Variants in PXDNL observed in about 807,000 individuals in gnomAD.
PXDNL encodes the protein peroxidasin like.
Under a neutral mutation model 150.8 loss-of-function variants are expected in PXDNL, and 145 were observed. The ratio of observed to expected loss-of-function variants is 0.96; its 90% CI spans 0.84 to 1.10. The LOEUF is 1.10. Ranked by LOEUF, PXDNL falls within the 50% of genes least tolerant of loss-of-function variation. The pLI is 0.00. For missense variants in PXDNL, 2,087 were observed against 1,873.9 expected, an observed-to-expected ratio of 1.11 and a Z score of -2.10; for synonymous variants, 757 against 725.7, an observed-to-expected ratio of 1.04 and a Z score of -0.69.
At position 51,453,740 on chromosome 8, in the gene PXDNL, A is replaced by C; in HGVS notation, c.1028T>G (p.Ile343Ser). The change falls in exon 10 of 23, where the codon ATT becomes AGT. Residue 343 changes from isoleucine (I) to serine (S), a missense_variant. Transcript: ENST00000356297. ...VIQPQDTEVL[I>S]GTSTTLECMA... is the part of the protein sequence containing the mutation. ...ACATTCCAAAGTTGTGCTGGTGCCA[A>C]TTAAAACCTCTGTGTCCTGAGGCTG... The C allele has an allele frequency of 6.2e-7, 1 of 1,613,834 alleles. No individual in the cohort carries two copies. The highest frequency in any genetic ancestry group is 8.5e-7 in the Non-Finnish European group (1 of 1,179,854).
chr8:51,524,557 A>G (rs993729430), intron 4 of PXDNL, among the ~76,000 whole-genome samples: 1 of 152,210 alleles, frequency 6.6e-6, no homozygotes, highest in Non-Finnish European at 1.5e-5. Flanking sequence ...ATATGGAGTG[A>G]AGCACAAAAC....
intron 12 of PXDNL, among the ~76,000 whole-genome samples, chr8:51,431,972 C>T (rs1809257645): frequency 6.6e-6 from 1 of 152,166 alleles, no homozygotes; most frequent in Admixed American, 6.5e-5. Context: ...CTATTTCTGA[C>T]TTGTGAATAG....
intron 1 of PXDNL, among the ~76,000 whole-genome samples, chr8:51,807,287 A>G (rs1387156090): frequency 6.6e-6 from 1 of 152,184 alleles, no homozygotes; most frequent in Non-Finnish European, 1.5e-5. Flanking sequence ...AGAACTTCAC[A>G]TGGCCAGAGC....
In PXDNL at chr8:51,416,966, CTT is replaced by C. The variant is rs112715557; in HGVS notation, c.1796-3710_1796-3709del. ...GTTTAAGAGTAAACTAAAACTAACT[CTT>C]TTATTATTCATTTGATTTCAGTGTT... On this transcript the variant is annotated intron_variant, in intron 14 of 22. Transcript: ENST00000356297. Among the ~76,000 whole-genome samples the C allele has an allele frequency of 3.3e-3, 498 of 152,214 alleles. 3 individuals carry two copies. Among genetic ancestry groups the C allele is most frequent in the African/African-American group, 0.012 (478 of 41,550 alleles).
chr8:51,608,509 A>G lies in PXDNL; in HGVS notation c.237-15811T>C, dbSNP rs562978517. ...GACTTCCAGGTTTCGTTTTTATTAC[A>G]AAGCCACAAAGCATTAATAGGACAA... On this transcript the variant is annotated intron_variant, in intron 2 of 22. Transcript: ENST00000356297. Among the ~76,000 whole-genome samples the G allele has an allele frequency of 5.4e-4, 81 of 149,036 alleles. 1 individual carries two copies. The highest frequency in any genetic ancestry group is 1.1e-3 in the Non-Finnish European group (76 of 67,790).
intron 1 of PXDNL, among the ~76,000 whole-genome samples, chr8:51,726,633 A>G (rs1204035680): frequency 6.6e-6 from 1 of 152,232 alleles, no homozygotes; most frequent in Non-Finnish European, 1.5e-5. Context: ...AAGATAGCAG[A>G]TTCCTAGAAT....
chr8:51,664,146 C>A (rs994667981), intron 1 of PXDNL, among the ~76,000 whole-genome samples: 1 of 151,756 alleles, frequency 6.6e-6, no homozygotes, highest in Non-Finnish European at 1.5e-5. Flanking sequence ...TACATCTGAA[C>A]AGCGTCATTG....
intron 4 of PXDNL, among the ~76,000 whole-genome samples, chr8:51,508,507 C>G (rs1345280778): frequency 6.6e-6 from 1 of 152,162 alleles, no homozygotes; most frequent in Non-Finnish European, 1.5e-5. Context: ...TCCAGGATGC[C>G]ATCCTCCCAG....
chr8:51,534,936 C>G (rs1242700128), intron 4 of PXDNL, among the ~76,000 whole-genome samples: 4 of 104,772 alleles, frequency 3.8e-5, no homozygotes, highest in Non-Finnish European at 7.1e-5. Context: ...GACCCCTCTG[C>G]CCGGCCAGCC....
rs2037070973 is a variant in PXDNL, at chr8:51,753,840, A to G, written c.164+55341T>C. 2.0e-5 allele frequency among the ~76,000 whole-genome samples: 3 copies of G among 152,210 alleles called. 1 individual carries two copies. In the South Asian group the frequency reaches 6.2e-4, roughly 31 times the overall value. Reference sequence around the variant, plus strand: ...AATTAAATAAGCAAGGCTCAGAGATATTGACCCACAGCCTGGCTGGACTGC... The same window carrying G: ...AATTAAATAAGCAAGGCTCAGAGATGTTGACCCACAGCCTGGCTGGACTGC... On this transcript the variant is annotated intron_variant, in intron 1 of 22. Coordinates refer to ENST00000356297, the MANE Select transcript of PXDNL (RefSeq NM_144651.5).
At chr8:51,393,806 G>A (rs986078933) in intron 17 of PXDNL, among the ~76,000 whole-genome samples, 1 of 152,156 alleles carries the variant, frequency 6.6e-6, no homozygotes, top group Non-Finnish European at 1.5e-5. Flanking sequence ...CTCTAGAAGG[G>A]GGAAAGACAG....
At chr8:51,379,606 G>T (rs1024464987) in intron 17 of PXDNL, among the ~76,000 whole-genome samples, 3 of 151,346 alleles carry the variant, frequency 2.0e-5, no homozygotes, top group Non-Finnish European at 4.4e-5. Context: ...CCTTGTATTT[G>T]TGGTGCTTTT....
intron 2 of PXDNL, among the ~76,000 whole-genome samples, chr8:51,629,411 C>G (rs1220335472): frequency 1.3e-5 from 2 of 151,702 alleles, no homozygotes; most frequent in African/African-American, 2.4e-5. Flanking sequence ...TGAACAGAAC[C>G]TAAGAGACTG....
intron 2 of PXDNL, among the ~76,000 whole-genome samples, chr8:51,600,785 T>C (rs1056805306): frequency 5.1e-5 from 7 of 136,340 alleles, no homozygotes; most frequent in South Asian, 2.3e-4. Context: ...ATAAATTATA[T>C]AGTTTTGATA....
intron 4 of PXDNL, among the ~76,000 whole-genome samples, chr8:51,535,809 TTCCTC>T (rs1169829553): frequency 6.6e-6 from 1 of 152,348 alleles, no homozygotes. Flanking sequence ...TCTCCCATCT[TTCCTC>T]TCTTATTTTC....
At chr8:51,620,630 G>A (rs1381202425) in intron 2 of PXDNL, among the ~76,000 whole-genome samples, 5 of 151,124 alleles carry the variant, frequency 3.3e-5, no homozygotes, top group Admixed American at 2.6e-4. Flanking sequence ...TGCAACCTCC[G>A]CCTCCCAGGT....
intron 8 of PXDNL, among the ~76,000 whole-genome samples, chr8:51,470,346 C>T (rs998737604): frequency 4.0e-5 from 6 of 151,850 alleles, no homozygotes; most frequent in Admixed American, 3.3e-4. Flanking sequence ...GAGTTTCTGG[C>T]TACAATTATA....
At chr8:51,477,547 A>G (rs1180074184) in intron 6 of PXDNL, among the ~76,000 whole-genome samples, 1 of 152,232 alleles carries the variant, frequency 6.6e-6, no homozygotes, top group Admixed American at 6.5e-5. Flanking sequence ...ATCTAGTTCA[A>G]CAGTATTGTG....
In PXDNL at chr8:51,365,123, A is replaced by G. The variant is rs148165915; in HGVS notation, c.3901+6750T>C. ...CAGCTAATTTTTGTACTTTTAGTAG[A>G]GATGGGGTTTTACTGTGTTGGCCAG... On this transcript the variant is annotated intron_variant, in intron 19 of 22. Coordinates refer to ENST00000356297, the MANE Select transcript of PXDNL (RefSeq NM_144651.5). Among the ~76,000 whole-genome samples, 916 of 152,232 alleles carry G rather than the reference A, an allele frequency of 6.0e-3. 9 individuals carry two copies. Among genetic ancestry groups the G allele is most frequent in the African/African-American group, 0.02 (845 of 41,534 alleles).
Sources: allele counts gnomAD v4.1 joint callset (sites outside exome capture counted in the v4.1 genomes callset), GRCh38; gene constraint gnomAD v4.1.1; transcripts MANE v1.5; gene names NCBI Gene and HGNC (gene_info 2026-07-23, HGNC 2026-07-21).